The following CACNA1C variants were observed in gnomAD, a reference collection of about 807,000 sequenced individuals.
CACNA1C encodes voltage-dependent L-type calcium channel subunit alpha-1C.
In CACNA1C, 30 loss-of-function variants were observed where a neutral mutation model predicts 229.0. The observed-to-expected ratio is 0.13, with a 90% CI of 0.10 to 0.18. CACNA1C has a LOEUF of 0.18. Ranked by LOEUF, CACNA1C falls within the 10% of genes least tolerant of loss-of-function variation. The pLI, the probability that CACNA1C is intolerant of heterozygous loss-of-function variation, is 1.00. For missense variants in CACNA1C, 1,658 were observed against 2,845.0 expected (o/e 0.58, Z 9.49); for synonymous variants, 1,114 against 1,132.5 (o/e 0.98, Z 0.33).
At chr12:2,332,101 A>C (rs1001352285) in intron 3 of CACNA1C, among the ~76,000 whole-genome samples, 1 of 152,216 alleles carries the variant, frequency 6.6e-6, no homozygotes, top group East Asian at 1.9e-4. Context: ...TATAAAATAC[A>C]TGCTGAAGTA....
intron 4 of CACNA1C, among the ~76,000 whole-genome samples, chr12:2,450,285 T>G (rs2099348661): frequency 6.6e-6 from 1 of 152,110 alleles, no homozygotes; most frequent in African/African-American, 2.4e-5. Context: ...TCAGGCGCGG[T>G]GGCTCACACC....
chr12:2,164,070 T>C lies in CACNA1C; in HGVS notation c.477+43640T>C, dbSNP rs138992280. Among the ~76,000 whole-genome samples the C allele has an allele frequency of 3.8e-3, 572 of 152,330 alleles. 5 individuals carry two copies. The highest frequency in any genetic ancestry group is 0.013 in the African/African-American group (552 of 41,580). On this transcript the variant is annotated intron_variant, in intron 3 of 46. Coordinates refer to ENST00000399655, the MANE Select transcript of CACNA1C (RefSeq NM_000719.7). ...TGGGCTTCCTCCCTCCCCTCCTCTA[T>C]CTAAACCCTCCTTGCTGCAAGACCC...
chr12:2,137,703 T>C (rs76715912), intron 3 of CACNA1C, among the ~76,000 whole-genome samples: 2 of 151,382 alleles, frequency 1.3e-5, no homozygotes, highest in Non-Finnish European at 3.0e-5. Flanking sequence ...TTTTTTTTTT[T>C]CTGGCACATT....
chr12:2,234,470 C>A (rs1443762252), intron 3 of CACNA1C, among the ~76,000 whole-genome samples: 1 of 152,168 alleles, frequency 6.6e-6, no homozygotes, highest in Non-Finnish European at 1.5e-5. Context: ...AGGGTCTAGG[C>A]ACCTGAGCAT....
intron 3 of CACNA1C, among the ~76,000 whole-genome samples, chr12:2,429,008 A>G (rs2099058251): frequency 6.6e-6 from 1 of 152,198 alleles, no homozygotes; most frequent in South Asian, 2.1e-4. Flanking sequence ...TCTGAAATCA[A>G]GGAGTTGGCG....
At chr12:2,690,477 G>A (rs117061047) in intron 46 of CACNA1C, among the ~76,000 whole-genome samples, 3,688 of 152,272 alleles carry the variant, frequency 0.024, 61 homozygotes, top group Non-Finnish European at 0.035. Flanking sequence ...TCACAGGTGT[G>A]CATCACCACA....
intron 1 of CACNA1C, among the ~76,000 whole-genome samples, chr12:2,106,319 C>A (rs377188534): frequency 4.3e-5 from 2 of 46,762 alleles, no homozygotes; most frequent in African/African-American, 1.3e-4. Context: ...AGCCACTGGG[C>A]ACCCACCCCG....
intron 1 of CACNA1C, among the ~76,000 whole-genome samples, chr12:2,090,310 CTTTTTTTTTT>C (rs145675982): frequency 8.7e-5 from 6 of 69,190 alleles, no homozygotes; most frequent in Non-Finnish European, 1.3e-4. Context: ...GGATAGACTA[CTTTTTTTTTT>C]TTTTTTTTTT....
chr12:2,331,757 G>C (rs987248722), intron 3 of CACNA1C, among the ~76,000 whole-genome samples: 19 of 152,362 alleles, frequency 1.2e-4, no homozygotes, highest in Non-Finnish European at 2.4e-4. Context: ...GCGTGATTCT[G>C]AGCTAATCAG....
rs779009338 is a variant in CACNA1C at position 2,585,434 on chromosome 12, A to C, written c.2398A>C (p.Lys800Gln). 3 of 1,605,490 alleles carry C rather than the reference A, an allele frequency of 1.9e-6. No homozygotes were observed. The highest frequency in any genetic ancestry group is 3.4e-5 in the Admixed American group (2 of 58,466). ...LVEKPAVGES[K>Q]EEKIELKSIT... Reference sequence around the variant, plus strand: ...GGAGAAGCCGGCAGTGGGGGAATCCAAGGAGGAGAAGATTGAGCTGAAATC... The same window carrying C: ...GGAGAAGCCGGCAGTGGGGGAATCCCAGGAGGAGAAGATTGAGCTGAAATC... Residue 800 changes from lysine (K) to glutamine (Q), a missense_variant, in exon 17 of 47, where the codon AAG (lysine) becomes CAG (glutamine). Lys to Gln is a moderately conservative substitution (Grantham distance 53, BLOSUM62 1). This residue lies in a region of CACNA1C where 121 missense variants were observed against 128.8 expected (regional missense o/e 0.94). Transcript: ENST00000399655. This position sits in a 1 kb window ranked among gnomAD's most constrained non-coding sequence, Gnocchi z 4.1.
chr12:2,675,736 G>C (rs761246200), intron 39 of CACNA1C, among the ~76,000 whole-genome samples: 1 of 152,206 alleles, frequency 6.6e-6, no homozygotes, highest in Non-Finnish European at 1.5e-5. Flanking sequence ...CGAGCCCAGA[G>C]ACTCCTAAGC....
upstream of CACNA1C, chr12:2,052,917 G>A: frequency 3.3e-6 from 3 of 914,226 alleles, no homozygotes; most frequent in Non-Finnish European, 3.9e-6. Flanking sequence ...GGGCGGCGCG[G>A]GCAGGGGCGG....
chr12:2,053,384 C>T lies in CACNA1C; in HGVS notation c.-179C>T. On this transcript the variant is annotated 5_prime_UTR_variant, in exon 1 of 47. Transcript: ENST00000399655. The surrounding 1 kb of genome is among the most constrained non-coding windows in gnomAD (Gnocchi z 5.8). ...AGGAGCAGTTTTTGGGGTTTGATGC[C>T]ATAATGGGAATCAGGTAATCGTCGG... is the stretch of plus-strand genomic sequence containing the variant. The T allele has an allele frequency of 1.4e-6, 2 of 1,392,698 alleles. No homozygotes were observed. Among genetic ancestry groups the T allele is most frequent in the Non-Finnish European group, 1.9e-6 (2 of 1,071,308 alleles). The allele number at this position is 1,392,698 out of a possible 1,614,324, so 86.3% of individuals were successfully genotyped here. A position where few individuals can be genotyped will look rare whatever the true frequency, so the allele number is the denominator to read the frequency against.
At chr12:2,199,194 G>C (rs116961516) in intron 3 of CACNA1C, among the ~76,000 whole-genome samples, 40 of 152,110 alleles carry the variant, frequency 2.6e-4, no homozygotes, top group African/African-American at 9.6e-4. Flanking sequence ...TTGGTACCAG[G>C]AGAGGGCCAC....
chr12:2,554,928 G>A lies in CACNA1C; in HGVS notation c.1482-2023G>A, dbSNP rs564955793. 3.9e-5 allele frequency among the ~76,000 whole-genome samples: 6 copies of A among 152,278 alleles called. No homozygotes were observed. The East Asian group carries it at 5.8e-4, about 15-fold the overall frequency. On this transcript the variant is annotated intron_variant, in intron 10 of 46. Coordinates refer to ENST00000399655, the MANE Select transcript of CACNA1C (RefSeq NM_000719.7). ...GTCAAAAGTGCCAGCCTTTAAAAGC[G>A]GATGAGGTTTTGATCCCCATGAACC... is the stretch of plus-strand genomic sequence containing the variant.
intron 13 of CACNA1C, among the ~76,000 whole-genome samples, chr12:2,574,260 G>A (rs2057518532): frequency 6.6e-6 from 1 of 152,250 alleles, no homozygotes; most frequent in South Asian, 2.1e-4. Context: ...TGATGGATTG[G>A]GTTCTTCCAC....
At chr12:2,453,904 T>G (rs2099400096) in intron 4 of CACNA1C, among the ~76,000 whole-genome samples, 1 of 152,170 alleles carries the variant, frequency 6.6e-6, no homozygotes, top group Non-Finnish European at 1.5e-5. Context: ...GTTCTCAGCT[T>G]CCTTTCTGGT....
At chr12:2,685,577 A>C (rs956427662) in intron 43 of CACNA1C, among the ~76,000 whole-genome samples, 159 bp from the exon 44 acceptor site, 1 of 152,100 alleles carries the variant, frequency 6.6e-6, no homozygotes, top group African/African-American at 2.4e-5. Flanking sequence ...GGCAGGCCAG[A>C]ACTTCTTGGG....
intron 3 of CACNA1C, among the ~76,000 whole-genome samples, chr12:2,356,572 T>C (rs1302509582): frequency 6.6e-6 from 1 of 152,242 alleles, no homozygotes; most frequent in Non-Finnish European, 1.5e-5. Context: ...ACACCAGCAG[T>C]GCATTAGGGG....
Sources: gnomAD v4.1 joint callset for allele counts (sites outside exome capture counted in the v4.1 genomes callset) on GRCh38, gnomAD v4.1.1 for gene constraint, gnomAD v4.1.1 regional missense constraint, Gnocchi (gnomAD v3.1) non-coding constraint, MANE v1.5 for transcripts, NCBI Gene and HGNC (gene_info 2026-07-23, HGNC 2026-07-21) for gene names.